The following CRACR2A variants were observed in gnomAD, a reference collection of about 807,000 sequenced individuals.
The protein encoded by CRACR2A is EF-hand calcium-binding domain-containing protein 4B.
In CRACR2A, 79 loss-of-function variants were observed where a neutral mutation model predicts 90.5. That is an observed-to-expected ratio of 0.87 (90% CI 0.73 to 1.05). The LOEUF is 1.05. Ranked by LOEUF, CRACR2A falls within the 50% of genes least tolerant of loss-of-function variation. The pLI is 0.00. For missense variants in CRACR2A, 823 were observed against 897.2 expected (o/e 0.92, Z 1.06); for synonymous variants, 338 against 356.7 (o/e 0.95, Z 0.59).
At chr12:3,713,182 G>A (rs1191459626) in intron 3 of CRACR2A, 55 bp downstream of exon 3, 2 of 894,396 alleles carry the variant, frequency 2.2e-6, no homozygotes, top group Non-Finnish European at 1.3e-6. Flanking sequence ...TTGGGGTCTG[G>A]GGTGGGGGCA....
intron 6 of CRACR2A, among the ~76,000 whole-genome samples, chr12:3,677,741 C>A (rs936280081): frequency 2.0e-5 from 3 of 152,218 alleles, no homozygotes; most frequent in Admixed American, 6.5e-5. Flanking sequence ...CTGTGGTCGA[C>A]ACCTGCTGCA....
chr12:3,638,330 G>A lies in CRACR2A; in HGVS notation c.1396C>T (p.Arg466Trp), dbSNP rs58583720. ...ACGGAGATGATTCTGCGGAGCGGCCGGGGGTACGGACCCCCAGGCCCTGGC... is the reference window on the plus strand; with the variant it reads ...ACGGAGATGATTCTGCGGAGCGGCCAGGGGTACGGACCCCCAGGCCCTGGC... The part of the protein sequence containing the change: ...GEPGPGGPYP[R>W]PLRRIISVEE... The change falls in exon 14 of 20, where the codon CGG becomes TGG. Residue 466 changes from arginine to tryptophan, a missense_variant. Physicochemically the swap from Arg to Trp is moderately radical, Grantham distance 101. Coordinates refer to ENST00000440314, the MANE Select transcript of CRACR2A (RefSeq NM_001144958.2). 508 of 1,551,076 alleles carry A rather than the reference G, an allele frequency of 3.3e-4. 1 individual carries two copies. The East Asian group carries it at 4.3e-3, about 13-fold the overall frequency.
In CRACR2A at chr12:3,628,920, G is replaced by A. The variant is rs138008158; in HGVS notation, c.1736-1214C>T. Among the ~76,000 whole-genome samples the A allele has an allele frequency of 4.6e-5, 7 of 152,334 alleles. No individual in the cohort carries two copies. The South Asian group carries it at 6.2e-4, about 14-fold the overall frequency. ...CATTAAGACCCACGAGTGAGGAGAC[G>A]TGGGAGGACCATCCACTTCCAGAGT... is the stretch of plus-strand genomic sequence containing the variant. On this transcript the variant is annotated intron_variant, in intron 15 of 19. Transcript: ENST00000440314.
chr12:3,663,484 T>A (rs1945075904), intron 7 of CRACR2A, among the ~76,000 whole-genome samples: 1 of 152,250 alleles, frequency 6.6e-6, no homozygotes, highest in Non-Finnish European at 1.5e-5. Flanking sequence ...ACTCTTCTTC[T>A]GCATAAAAGC....
intron 11 of CRACR2A, among the ~76,000 whole-genome samples, chr12:3,646,864 CT>C (rs1174704697): frequency 6.6e-6 from 1 of 152,168 alleles, no homozygotes; most frequent in African/African-American, 2.4e-5. Context: ...AGAAACATAT[CT>C]GCTTTTGTTT....
intron 3 of CRACR2A, among the ~76,000 whole-genome samples, chr12:3,707,942 C>A (rs1945952910): frequency 6.6e-6 from 1 of 152,180 alleles, no homozygotes; most frequent in African/African-American, 2.4e-5. Flanking sequence ...AAGGAAGTTG[C>A]ATATGATGAT....
At chr12:3,654,618 G>T (rs1486536103) in intron 9 of CRACR2A, among the ~76,000 whole-genome samples, 1 of 152,080 alleles carries the variant, frequency 6.6e-6, no homozygotes, top group African/African-American at 2.4e-5. Context: ...TCTCTCCCCT[G>T]TCTCCACATA....
At position 3,638,114 on chromosome 12, in the gene CRACR2A, G is replaced by A. The variant is rs1003497681; in HGVS notation, c.1602+10C>T. Reference sequence around the variant, plus strand: ...TGATGTGCATGAACCAAGGTAGGCTGTGCCCTTACCTTACACAGGGCTTCT... The same window carrying A: ...TGATGTGCATGAACCAAGGTAGGCTATGCCCTTACCTTACACAGGGCTTCT... On this transcript the variant is annotated intron_variant, in intron 14 of 19. Coordinates refer to ENST00000440314, the MANE Select transcript of CRACR2A (RefSeq NM_001144958.2). 17 of 1,534,424 alleles carry A rather than the reference G, an allele frequency of 1.1e-5. No individual in the cohort carries two copies. Among genetic ancestry groups the A allele is most frequent in the African/African-American group, 2.8e-5 (2 of 72,562 alleles).
At position 3,666,352 on chromosome 12, in the gene CRACR2A, TGTGC is replaced by T. The variant is rs1390707246; in HGVS notation, c.672-6702_672-6699del. On this transcript the variant is annotated intron_variant, in intron 7 of 19. Coordinates refer to ENST00000440314, the MANE Select transcript of CRACR2A (RefSeq NM_001144958.2). ...CTGCGTGTGTGTGTGTGTGTGTGTG[TGTGC>T]GTGCGTGTGCGCGTGCGCGCGCACG... 9.1e-3 allele frequency among the ~76,000 whole-genome samples: 1,347 copies of T among 147,456 alleles called. 25 individuals are homozygous for T. The highest frequency in any genetic ancestry group is 0.032 in the African/African-American group (1,219 of 37,820).
chr12:3,694,492 G>A (rs1310996988), intron 4 of CRACR2A, among the ~76,000 whole-genome samples: 4 of 152,198 alleles, frequency 2.6e-5, no homozygotes, highest in Admixed American at 2.6e-4. Flanking sequence ...AAAGGCGGTG[G>A]TGGCCAGGCC....
At chr12:3,666,336 T>C (rs1020622770) in intron 7 of CRACR2A, among the ~76,000 whole-genome samples, 2 of 132,616 alleles carry the variant, frequency 1.5e-5, no homozygotes, top group Admixed American at 7.5e-5. Context: ...GCTGCGTGTG[T>C]GTGTGTGTGT....
chr12:3,648,266 T>C (rs1359118980), intron 11 of CRACR2A: 5 of 1,337,990 alleles, frequency 3.7e-6, no homozygotes, highest in Admixed American at 3.0e-5. Context: ...TGAGATCAAG[T>C]ACCAAGCACA....
chr12:3,718,432 G>A (rs139550043), intron 2 of CRACR2A, among the ~76,000 whole-genome samples: 2 of 152,156 alleles, frequency 1.3e-5, no homozygotes, highest in Admixed American at 1.3e-4. Flanking sequence ...CCATGCCTTG[G>A]GGGGATGGCA....
intron 4 of CRACR2A, among the ~76,000 whole-genome samples, chr12:3,688,249 A>C (rs1945599050): frequency 6.6e-6 from 1 of 152,202 alleles, no homozygotes; most frequent in Non-Finnish European, 1.5e-5. Context: ...CATCTTCCTC[A>C]TGAAATCCTT....
At chr12:3,629,007 C>T (rs773255797) in intron 15 of CRACR2A, among the ~76,000 whole-genome samples, 5 of 152,158 alleles carry the variant, frequency 3.3e-5, no homozygotes, top group Non-Finnish European at 7.3e-5. Context: ...GAGAGGAGTG[C>T]AATCGTCTGC....
At chr12:3,674,180 A>T (rs970021088) in intron 6 of CRACR2A, among the ~76,000 whole-genome samples, 1 of 152,192 alleles carries the variant, frequency 6.6e-6, no homozygotes, top group Non-Finnish European at 1.5e-5. Context: ...GCAGAAAGCA[A>T]TTGTCACTGC....
At chr12:3,638,909 C>T (rs530536818) in intron 13 of CRACR2A, among the ~76,000 whole-genome samples, 2 of 152,360 alleles carry the variant, frequency 1.3e-5, no homozygotes, top group African/African-American at 4.8e-5. Flanking sequence ...AGCAGATGAC[C>T]TTGGCTCTGC....
intron 4 of CRACR2A, among the ~76,000 whole-genome samples, chr12:3,687,232 G>A (rs1945574800): frequency 6.6e-6 from 1 of 150,778 alleles, no homozygotes; most frequent in Non-Finnish European, 1.5e-5. Context: ...ATATGTGCAG[G>A]TTTGTTATAT....
At position 3,631,332 on chromosome 12, in the gene CRACR2A, G is replaced by A. The variant is rs534595440; in HGVS notation, c.1735+2272C>T. 5.9e-5 allele frequency among the ~76,000 whole-genome samples: 9 copies of A among 152,220 alleles called. No homozygotes were observed. In the South Asian group the frequency reaches 1.2e-3, roughly 21 times the overall value. On this transcript the variant is annotated intron_variant, in intron 15 of 19. Transcript: ENST00000440314. The stretch of plus-strand genomic sequence containing the variant: ...GCCTACCATCTCAGGGCCACAAGTC[G>A]AAAATGTAAACGGATCCTGATTTTG...
Sources: gnomAD v4.1 joint callset for allele counts (sites outside exome capture counted in the v4.1 genomes callset) on GRCh38, gnomAD v4.1.1 for gene constraint, MANE v1.5 for transcripts, NCBI Gene and HGNC (gene_info 2026-07-23, HGNC 2026-07-21) for gene names.